The following FARS2 variants were observed in gnomAD, a reference collection of about 807,000 sequenced individuals.
FARS2 encodes phenylalanyl-tRNA synthetase 2, mitochondrial, also known as phenylalanine--tRNA ligase, mitochondrial.
In FARS2, 40 loss-of-function variants were observed where a neutral mutation model predicts 46.4. The observed-to-expected ratio is 0.86, with a 90% CI of 0.67 to 1.12. The LOEUF is 1.12. FARS2 is among the 50% of genes most tolerant of loss of function. The pLI is 0.00. For missense variants in FARS2, 513 were observed against 567.9 expected (o/e 0.90, Z 0.98); for synonymous variants, 234 against 214.9 (o/e 1.09, Z -0.78).
chr6:5,576,673 C>T (rs944576512), intron 5 of FARS2, among the ~76,000 whole-genome samples: 6 of 148,640 alleles, frequency 4.0e-5, no homozygotes, highest in Non-Finnish European at 5.9e-5. Context: ...CTCTAGAGAA[C>T]CCTAATACAG....
chr6:5,673,409 A>C (rs374102691), intron 6 of FARS2, among the ~76,000 whole-genome samples: 1 of 152,194 alleles, frequency 6.6e-6, no homozygotes, highest in Non-Finnish European at 1.5e-5. Context: ...ACCACAGTTA[A>C]TAAGGCCACA....
chr6:5,461,591 A>G (rs1243132810), intron 4 of FARS2, among the ~76,000 whole-genome samples: 2 of 151,790 alleles, frequency 1.3e-5, no homozygotes, highest in Admixed American at 6.6e-5. Context: ...GGGGGGTCTC[A>G]CTGCTGTTGC....
intron 3 of FARS2, among the ~76,000 whole-genome samples, chr6:5,423,440 AGG>A: frequency 6.6e-6 from 1 of 152,040 alleles, no homozygotes; most frequent in South Asian, 2.1e-4. Context: ...CCCTGTGTAG[AGG>A]AGTCCCAGGG....
At chr6:5,622,392 A>C (rs1303254753) in intron 6 of FARS2, among the ~76,000 whole-genome samples, 2 of 152,046 alleles carry the variant, frequency 1.3e-5, no homozygotes, top group African/African-American at 2.4e-5. Context: ...CATGATGGAA[A>C]CTCCTTAGAG....
At chr6:5,319,890 T>G (rs532818350) in intron 1 of FARS2, among the ~76,000 whole-genome samples, 1 of 152,292 alleles carries the variant, frequency 6.6e-6, no homozygotes, top group South Asian at 2.1e-4. Flanking sequence ...TATACTTAGA[T>G]GTGGGAACAA....
At chr6:5,353,972 A>G (rs1031637362) in intron 1 of FARS2, among the ~76,000 whole-genome samples, 2 of 149,332 alleles carry the variant, frequency 1.3e-5, no homozygotes, top group African/African-American at 4.9e-5. Flanking sequence ...ATTTCTTGTA[A>G]CAGTGGTCAC....
At chr6:5,291,939 C>A (rs997800903) in intron 1 of FARS2, among the ~76,000 whole-genome samples, 1 of 152,078 alleles carries the variant, frequency 6.6e-6, no homozygotes, top group Non-Finnish European at 1.5e-5. Context: ...AATAAGTCAA[C>A]AATTACAATA....
At chr6:5,548,144 G>A (rs754294796) in intron 5 of FARS2, among the ~76,000 whole-genome samples, 2 of 152,124 alleles carry the variant, frequency 1.3e-5, no homozygotes, top group Non-Finnish European at 2.9e-5. Context: ...TCACTATCAC[G>A]AGAATAGCAC....
intron 5 of FARS2, among the ~76,000 whole-genome samples, chr6:5,562,951 C>A (rs948746783): frequency 7.2e-5 from 11 of 151,814 alleles, no homozygotes; most frequent in African/African-American, 2.7e-4. Flanking sequence ...TTACAGGCAC[C>A]TGCCACCACG....
intron 4 of FARS2, among the ~76,000 whole-genome samples, chr6:5,479,558 G>A (rs955297271): frequency 3.9e-5 from 6 of 152,002 alleles, no homozygotes; most frequent in Middle Eastern, 3.2e-3. Flanking sequence ...TTTAAATTTT[G>A]TCATCTTTCT....
intron 2 of FARS2, 104 bp downstream of exon 2, chr6:5,369,286 C>T (rs879750416): frequency 1.2e-4 from 139 of 1,170,246 alleles, no homozygotes; most frequent in Non-Finnish European, 1.6e-4. Flanking sequence ...TCCTTGCTTG[C>T]CTTATTTTGC....
At chr6:5,496,030 C>G (rs1767440148) in intron 4 of FARS2, among the ~76,000 whole-genome samples, 1 of 152,158 alleles carries the variant, frequency 6.6e-6, no homozygotes, top group Admixed American at 6.5e-5. Flanking sequence ...CCTGCTTTTC[C>G]CCTAGGATCC....
rs918658788 is a variant in FARS2, at chr6:5,601,396, C to T, written c.1066-11773C>T. Among the ~76,000 whole-genome samples, 5 of 151,738 alleles carry T rather than the reference C, an allele frequency of 3.3e-5. No individual in the cohort carries two copies. The East Asian group carries it at 7.7e-4, about 24-fold the overall frequency. On this transcript the variant is annotated intron_variant, in intron 5 of 6. Coordinates refer to ENST00000274680, the MANE Select transcript of FARS2 (RefSeq NM_006567.5). ...AAAATTAGCCAGGCATGGTGGCGGG[C>T]GCCTGTAATCCCAGCTACTCAGGAG... is the stretch of plus-strand genomic sequence containing the variant.
chr6:5,423,431 C>T (rs1762671249), intron 3 of FARS2, among the ~76,000 whole-genome samples: 1 of 151,958 alleles, frequency 6.6e-6, no homozygotes, highest in Non-Finnish European at 1.5e-5. Flanking sequence ...CAAAAGGATC[C>T]CTGTGTAGAG....
At chr6:5,422,422 A>G (rs1302795482) in intron 3 of FARS2, among the ~76,000 whole-genome samples, 8 of 152,078 alleles carry the variant, frequency 5.3e-5, no homozygotes, top group Non-Finnish European at 7.4e-5. Context: ...TGTTAGGAGA[A>G]CAAGGACACA....
At chr6:5,271,514 A>T (rs1318771377) in intron 1 of FARS2, among the ~76,000 whole-genome samples, 2 of 145,634 alleles carry the variant, frequency 1.4e-5, no homozygotes, top group African/African-American at 5.1e-5. Flanking sequence ...TATTTGATTA[A>T]TTTTTTTGTG....
intron 5 of FARS2, among the ~76,000 whole-genome samples, chr6:5,576,958 G>A (rs903393995): frequency 6.6e-6 from 1 of 151,896 alleles, no homozygotes; most frequent in Non-Finnish European, 1.5e-5. Context: ...TCCTGAGGGT[G>A]TTGGAAATGC....
At chr6:5,281,716 A>G (rs1766741673) in intron 1 of FARS2, among the ~76,000 whole-genome samples, 1 of 151,740 alleles carries the variant, frequency 6.6e-6, no homozygotes, top group South Asian at 2.1e-4. Flanking sequence ...ACCAATATAT[A>G]GTAATGATAT....
chr6:5,468,834 C>T (rs78524110), intron 4 of FARS2, among the ~76,000 whole-genome samples: 5,535 of 152,238 alleles, frequency 0.036, 314 homozygotes, highest in African/African-American at 0.13. Context: ...TTTGTCTTTA[C>T]AGGGTAATGT....
Sources: allele counts gnomAD v4.1 joint callset (sites outside exome capture counted in the v4.1 genomes callset), GRCh38; gene constraint gnomAD v4.1.1; transcripts MANE v1.5; gene names NCBI Gene and HGNC (gene_info 2026-07-23, HGNC 2026-07-21).